ATF7: variants seen among roughly 807,000 people sequenced by gnomAD.
ATF7 encodes the protein cyclic AMP-dependent transcription factor ATF-7.
Under a neutral mutation model 50.4 loss-of-function variants are expected in ATF7, and 10 were observed. The observed-to-expected ratio is 0.20, with a 90% CI of 0.12 to 0.34. ATF7 has a LOEUF of 0.34. Ranked by LOEUF, ATF7 falls within the 10% of genes least tolerant of loss-of-function variation. ATF7 has a pLI of 1.00. For synonymous variants in ATF7, 201 were observed against 226.4 expected (o/e 0.89, Z 1.01); for missense variants, 465 against 613.9 (o/e 0.76, Z 2.56).
intron 1 of ATF7, among the ~76,000 whole-genome samples, chr12:53,618,710 T>C (rs1944248947): frequency 6.6e-6 from 1 of 152,074 alleles, no homozygotes; most frequent in African/African-American, 2.4e-5. Flanking sequence ...CAATTGTGTG[T>C]GTGTGTGTGT....
intron 9 of ATF7, among the ~76,000 whole-genome samples, chr12:53,526,163 G>T (rs527662063): frequency 9.4e-4 from 141 of 149,876 alleles, no homozygotes; most frequent in African/African-American, 3.3e-3. Flanking sequence ...AGCTGAGATT[G>T]AGCCACTGCA....
chr12:53,527,231 C>G (rs1333701829), intron 9 of ATF7, among the ~76,000 whole-genome samples: 2 of 152,070 alleles, frequency 1.3e-5, no homozygotes, highest in Non-Finnish European at 2.9e-5. Flanking sequence ...TGCCTGTAAT[C>G]CCAGCACTTT....
chr12:53,558,469 T>G (rs577821058), intron 2 of ATF7, among the ~76,000 whole-genome samples: 87 of 152,286 alleles, frequency 5.7e-4, no homozygotes, highest in African/African-American at 2.0e-3. Context: ...GACCTGAAAC[T>G]TGGAAGAAAA....
Position 53,524,572 on chromosome 12 carries a change from G to C in ATF7, c.1117C>G (p.Gln373Glu). 1 of 1,613,826 alleles carries C rather than the reference G, an allele frequency of 6.2e-7. No individual in the cohort carries two copies. The highest frequency in any genetic ancestry group is 8.5e-7 in the Non-Finnish European group (1 of 1,179,884). ...ATCCAGGACCCACTCACACTCAGCT[G>C]AATGTTCTGAGAAGTGAGTTCTTCG... ...KAEELTSQNI[Q>E]LSNEVTLLRN... The change falls in exon 10 of 12, where the codon CAG becomes GAG. Residue 373 changes from glutamine to glutamate, a missense_variant. Gln to Glu is a conservative substitution (Grantham distance 29). Transcript: ENST00000420353. The surrounding 1 kb of genome is among the most constrained non-coding windows in gnomAD (Gnocchi z 4.6).
chr12:53,510,055 T>G (rs186202966), downstream of ATF7, among the ~76,000 whole-genome samples: 57 of 152,024 alleles, frequency 3.7e-4, no homozygotes, highest in African/African-American at 1.3e-3. Flanking sequence ...TTTTTTTTTT[T>G]TGAGACGGAG....
At chr12:53,528,430 C>T (rs958642631) in intron 9 of ATF7, among the ~76,000 whole-genome samples, 1 of 152,134 alleles carries the variant, frequency 6.6e-6, no homozygotes, top group South Asian at 2.1e-4. Context: ...GAGTTTGAGA[C>T]CAGCCTGGGC....
At chr12:53,584,957 A>G (rs1425355731) in intron 2 of ATF7, among the ~76,000 whole-genome samples, 1 of 152,074 alleles carries the variant, frequency 6.6e-6, no homozygotes, top group Non-Finnish European at 1.5e-5. Context: ...GTATGATACT[A>G]CAATGGTGGA....
intron 2 of ATF7, among the ~76,000 whole-genome samples, chr12:53,559,099 T>A (rs1371021355): frequency 6.9e-6 from 1 of 144,284 alleles, no homozygotes; most frequent in East Asian, 2.1e-4. Flanking sequence ...CTGGGCAACA[T>A]CGTTAAGACC....
intron 2 of ATF7, among the ~76,000 whole-genome samples, chr12:53,588,050 A>G (rs1302307304): frequency 1.3e-5 from 2 of 151,676 alleles, no homozygotes; most frequent in East Asian, 3.9e-4. Context: ...GGGTTTCACC[A>G]TGTTGGCCAG....
chr12:53,618,091 T>C (rs1432518759), intron 1 of ATF7, among the ~76,000 whole-genome samples: 1 of 152,238 alleles, frequency 6.6e-6, no homozygotes, highest in Non-Finnish European at 1.5e-5. Context: ...TTGTTGATTT[T>C]TGTTTTGTTT....
At chr12:53,537,227 C>G (rs970333197) in intron 5 of ATF7, among the ~76,000 whole-genome samples, 188 bp downstream of exon 5, 7 of 151,808 alleles carry the variant, frequency 4.6e-5, no homozygotes, top group African/African-American at 1.7e-4. Context: ...CTCCACCACG[C>G]CCAGGTAATT....
intron 2 of ATF7, among the ~76,000 whole-genome samples, chr12:53,599,088 G>C (rs1943278889): frequency 6.6e-6 from 1 of 152,158 alleles, no homozygotes; most frequent in African/African-American, 2.4e-5. Flanking sequence ...CTAGAGTGCA[G>C]TGGCATGATC....
intron 2 of ATF7, among the ~76,000 whole-genome samples, chr12:53,567,853 C>G (rs2137602918): frequency 6.6e-6 from 1 of 152,364 alleles, no homozygotes; most frequent in South Asian, 2.1e-4. Flanking sequence ...AATTATCACA[C>G]AGCCCTATTA....
intron 2 of ATF7, among the ~76,000 whole-genome samples, chr12:53,563,251 T>A (rs188206700): frequency 4.9e-4 from 75 of 152,296 alleles, no homozygotes; most frequent in Non-Finnish European, 5.9e-4. Flanking sequence ...AGTATTCAAA[T>A]GGAAATTTAT....
At chr12:53,593,036 C>T (rs1365277632) in intron 2 of ATF7, among the ~76,000 whole-genome samples, 1 of 152,116 alleles carries the variant, frequency 6.6e-6, no homozygotes, top group African/African-American at 2.4e-5. Context: ...TATAAAGACT[C>T]TATTAGGATT....
At chr12:53,556,854 T>C (rs1442223391) in intron 2 of ATF7, among the ~76,000 whole-genome samples, 3 of 152,180 alleles carry the variant, frequency 2.0e-5, no homozygotes, top group African/African-American at 7.2e-5. Context: ...TCTAGATTAG[T>C]CATAAACTTC....
chr12:53,523,816 A>C (rs1275601962), intron 10 of ATF7, among the ~76,000 whole-genome samples: 1 of 152,178 alleles, frequency 6.6e-6, no homozygotes, highest in Non-Finnish European at 1.5e-5. Context: ...ATATACTACT[A>C]TACAGCTATT....
intron 2 of ATF7, among the ~76,000 whole-genome samples, chr12:53,593,465 C>T (rs1169173429): frequency 6.6e-6 from 1 of 152,128 alleles, no homozygotes; most frequent in Non-Finnish European, 1.5e-5. Context: ...TTTGCCCAGT[C>T]ACAACTCTTT....
chr12:53,623,625 C>T (rs1211396771), intron 1 of ATF7, among the ~76,000 whole-genome samples: 1 of 152,192 alleles, frequency 6.6e-6, no homozygotes, highest in Non-Finnish European at 1.5e-5. Flanking sequence ...ATCTGTTCCA[C>T]CTAAAACTTC....
Sources: allele counts gnomAD v4.1 joint callset (sites outside exome capture counted in the v4.1 genomes callset), GRCh38; gene constraint gnomAD v4.1.1; non-coding constraint Gnocchi (gnomAD v3.1); transcripts MANE v1.5; gene names NCBI Gene and HGNC (gene_info 2026-07-23, HGNC 2026-07-21).